The following RBM18 variants were observed in gnomAD, a reference collection of about 807,000 sequenced individuals.
RBM18 encodes the protein RNA binding motif protein 18.
A neutral mutation model predicts 26.4 loss-of-function variants in RBM18; 18 were observed. That is an observed-to-expected ratio of 0.68 (90% CI 0.47 to 1.01). The LOEUF is 1.01. Ranked by LOEUF, RBM18 falls within the 50% of genes least tolerant of loss-of-function variation. RBM18 has a pLI of 0.00. For missense variants in RBM18, 180 were observed against 219.2 expected (o/e 0.82, Z 1.13); for synonymous variants, 74 against 81.1 (o/e 0.91, Z 0.47).
At chr9:122,244,557 G>A (rs1010036244) in intron 5 of RBM18, among the ~76,000 whole-genome samples, 1 of 152,170 alleles carries the variant, frequency 6.6e-6, no homozygotes, top group Non-Finnish European at 1.5e-5. Flanking sequence ...TCAGCCATAA[G>A]TAAATGACAC....
chr9:122,258,956 A>C lies in RBM18; in HGVS notation c.113+2424T>G, dbSNP rs1408894929. Among the ~76,000 whole-genome samples, 5 of 152,126 alleles carry C rather than the reference A, an allele frequency of 3.3e-5. 2 individuals are homozygous for C. The highest frequency in any genetic ancestry group is 1.2e-4 in the African/African-American group (5 of 41,524). On this transcript the variant is annotated intron_variant, in intron 2 of 5. Transcript: ENST00000417201. ...AAGAAGAAAAAAGAATCTATAGGAA[A>C]AAATAATAAAAATGGTCTTTTGTGA...
chr9:122,241,624 A>G lies in RBM18; in HGVS notation c.*260T>C. 1 of 344,574 alleles carries G rather than the reference A, an allele frequency of 2.9e-6. No homozygotes were observed. Among genetic ancestry groups the G allele is most frequent in the East Asian group, 4.8e-5 (1 of 20,998 alleles). The allele number at this position is 344,574 out of a possible 1,614,324, so 21.3% of individuals were successfully genotyped here. On this transcript the variant is annotated 3_prime_UTR_variant, in exon 6 of 6. Transcript: ENST00000417201. ...AGAATGTTTCTGGAGTTACAAATCCAAACCAACCAGCCAATTAGAGCATCC... is the reference window on the plus strand; with the variant it reads ...AGAATGTTTCTGGAGTTACAAATCCGAACCAACCAGCCAATTAGAGCATCC...
chr9:122,250,958 C>T (rs148215733), intron 3 of RBM18, among the ~76,000 whole-genome samples: 4,790 of 151,422 alleles, frequency 0.032, 119 homozygotes, highest in South Asian at 0.075. Flanking sequence ...CTTGCTTTGT[C>T]GCCCAGGCTG....
At chr9:122,256,687 A>C (rs1831702895) in intron 2 of RBM18, among the ~76,000 whole-genome samples, 1 of 152,158 alleles carries the variant, frequency 6.6e-6, no homozygotes, top group African/African-American at 2.4e-5. Flanking sequence ...ATATTTGTGC[A>C]AAAAAACACT....
rs757422073 is a variant in RBM18 at position 122,241,894 on chromosome 9, G to C, written c.563C>G (p.Ser188Cys). 1.3e-5 allele frequency: 21 copies of C among 1,611,012 alleles called. No individual in the cohort carries two copies. In the South Asian group the frequency reaches 2.3e-4, roughly 18 times the overall value. ...AGTAATTCACAACCATCATCTTCGA[G>C]ATTTCCATGCTGTTCTAGAATATGG... ...TTPYSRTAWK[S>C]RR is the part of the protein sequence containing the mutation. The change falls in exon 6 of 6, where the codon TCT (serine) becomes TGT (cysteine). Residue 188 changes from serine to cysteine, a missense_variant. By Grantham distance (112) the Ser-to-Cys change is moderately radical. This residue lies in a region of RBM18 where 103 missense variants were observed against 102.8 expected (regional missense o/e 1.00). Coordinates refer to ENST00000417201, the MANE Select transcript of RBM18 (RefSeq NM_033117.4).
intron 5 of RBM18, 94 bp downstream of exon 5, chr9:122,245,162 T>C (rs1831484767): frequency 1.3e-6 from 1 of 751,474 alleles, no homozygotes; most frequent in Non-Finnish European, 2.3e-6. Flanking sequence ...ATTCTAAGAG[T>C]CTGAAGACTC....
At chr9:122,247,902 A>C (rs1831531619) in intron 3 of RBM18, among the ~76,000 whole-genome samples, 1 of 149,784 alleles carries the variant, frequency 6.7e-6, no homozygotes, top group Admixed American at 6.8e-5. Context: ...CCCCTGCCTC[A>C]GCCTCCCGAA....
chr9:122,248,445 T>C (rs1831541634), intron 3 of RBM18, among the ~76,000 whole-genome samples: 1 of 152,162 alleles, frequency 6.6e-6, no homozygotes, highest in African/African-American at 2.4e-5. Context: ...GCATACTCCC[T>C]GGATTCATAG....
At chr9:122,248,609 G>T (rs1298144172) in intron 3 of RBM18, among the ~76,000 whole-genome samples, 2 of 152,198 alleles carry the variant, frequency 1.3e-5, no homozygotes, top group African/African-American at 4.8e-5. Flanking sequence ...TTCCCCATCA[G>T]ACAGAGGAGT....
At chr9:122,250,900 C>T (rs1301867149) in intron 3 of RBM18, among the ~76,000 whole-genome samples, 1 of 132,762 alleles carries the variant, frequency 7.5e-6, no homozygotes, top group Non-Finnish European at 1.6e-5. Flanking sequence ...AACACTCATA[C>T]AAATTATTAT....
At chr9:122,251,058 G>A (rs370617377) in intron 3 of RBM18, among the ~76,000 whole-genome samples, 47 of 151,976 alleles carry the variant, frequency 3.1e-4, no homozygotes, top group African/African-American at 1.1e-3. Flanking sequence ...CAAGTAGCTA[G>A]GACTATAGGT....
Position 122,241,811 on chromosome 9 carries a change from T to G in RBM18, c.*73A>C, listed in dbSNP as rs1657625115. ...TCCGTTGAATAGTACCATTCACATC[T>G]ACAAAGTACACAGGCAGACGATTTT... On this transcript the variant is annotated 3_prime_UTR_variant, in exon 6 of 6. Coordinates refer to ENST00000417201, the MANE Select transcript of RBM18 (RefSeq NM_033117.4). 1.5e-6 allele frequency: 2 copies of G among 1,342,288 alleles called. No homozygotes were observed. The highest frequency in any genetic ancestry group is 4.6e-5 in the East Asian group (2 of 43,440). 83.1% of individuals were successfully genotyped at this position (1,342,288 alleles called of 1,614,324 possible).
chr9:122,253,143 G>C (rs1016087810), intron 2 of RBM18, among the ~76,000 whole-genome samples: 1 of 152,194 alleles, frequency 6.6e-6, no homozygotes, highest in South Asian at 2.1e-4. Flanking sequence ...AGTCAGTAAA[G>C]TTGTCGTTAT....
Position 122,247,618 on chromosome 9 carries a change from G to T in RBM18, c.241-14C>A. 1 of 1,608,770 alleles carries T rather than the reference G, an allele frequency of 6.2e-7. No individual in the cohort carries two copies. On this transcript the variant is annotated splice_polypyrimidine_tract_variant and intron_variant, in intron 3 of 5. Transcript: ENST00000417201. ...TTGCTCTGCTTCCTGTCCAGGAAAGGGACAAATGTTAGTTAAAAACTGAAA... is the reference window on the plus strand; with the variant it reads ...TTGCTCTGCTTCCTGTCCAGGAAAGTGACAAATGTTAGTTAAAAACTGAAA...
rs2274746 is a variant in RBM18, at chr9:122,251,837, G to C, written c.240+10C>G. The C allele has an allele frequency of 5.6e-4, 895 of 1,612,234 alleles. 10 individuals are homozygous for C. In the East Asian group the frequency reaches 0.018, roughly 33 times the overall value. The stretch of plus-strand genomic sequence containing the variant: ...ATAAATATTATAAAATGGGGAGAAA[G>C]CTTAATTACCTGCTTAGTTTCAAAG... On this transcript the variant is annotated intron_variant, in intron 3 of 5. Transcript: ENST00000417201.
chr9:122,242,641 C>A (rs1303452365), intron 5 of RBM18, among the ~76,000 whole-genome samples: 1 of 151,198 alleles, frequency 6.6e-6, no homozygotes, highest in African/African-American at 2.4e-5. Flanking sequence ...ATGAGCCAGG[C>A]ACAGTGCATT....
At chr9:122,246,907 T>A (rs1375149687) in intron 4 of RBM18, among the ~76,000 whole-genome samples, 1 of 152,096 alleles carries the variant, frequency 6.6e-6, no homozygotes, top group Non-Finnish European at 1.5e-5. Flanking sequence ...GAATGCCATT[T>A]GTTTTGTTTT....
chr9:122,261,558 C>T (rs1055289545), intron 1 of RBM18, 50 bp from the exon 2 acceptor site: 1 of 1,164,526 alleles, frequency 8.6e-7, no homozygotes, highest in African/African-American at 1.5e-5. Context: ...AATGTGTGAA[C>T]ACAAGACTTC....
chr9:122,249,840 A>C (rs1328325847), intron 3 of RBM18, among the ~76,000 whole-genome samples: 1 of 151,320 alleles, frequency 6.6e-6, no homozygotes, highest in Admixed American at 6.6e-5. Context: ...GGAGGCAGAG[A>C]AGGGCAGTTG....
Sources: gnomAD v4.1 joint callset for allele counts (sites outside exome capture counted in the v4.1 genomes callset) on GRCh38, gnomAD v4.1.1 for gene constraint, gnomAD v4.1.1 regional missense constraint, MANE v1.5 for transcripts, NCBI Gene and HGNC (gene_info 2026-07-23, HGNC 2026-07-21) for gene names.